Variants in TMED8 observed in about 807,000 individuals in gnomAD.
TMED8 encodes the protein protein TMED8.
In TMED8, 15 loss-of-function variants were observed where a neutral mutation model predicts 32.7. The ratio of observed to expected loss-of-function variants is 0.46; its 90% CI spans 0.31 to 0.71. TMED8 has a LOEUF of 0.71. Ranked by LOEUF, TMED8 falls within the 30% of genes least tolerant of loss-of-function variation. The pLI is 0.06. For synonymous variants in TMED8, 147 were observed against 161.4 expected (o/e 0.91, Z 0.68); for missense variants, 390 against 423.9 (o/e 0.92, Z 0.70).
At chr14:77,365,176 T>G (rs1893523909) in intron 1 of TMED8, among the ~76,000 whole-genome samples, 1 of 152,024 alleles carries the variant, frequency 6.6e-6, no homozygotes, top group Non-Finnish European at 1.5e-5. Context: ...AGCAACCACA[T>G]GAAAAAGGGA....
intron 1 of TMED8, among the ~76,000 whole-genome samples, chr14:77,370,746 T>A (rs1893658559): frequency 6.9e-6 from 1 of 145,920 alleles, no homozygotes; most frequent in South Asian, 2.1e-4. Context: ...AAAAAAAGTG[T>A]GTGTGTGTGT....
intron 4 of TMED8, 61 bp downstream of exon 4, chr14:77,343,636 C>T: frequency 9.4e-6 from 15 of 1,601,242 alleles, no homozygotes; most frequent in Non-Finnish European, 1.3e-5. Context: ...TGTCTGTCTG[C>T]CTGCCTTTCT....
chr14:77,366,407 AG>A (rs1377641143), intron 1 of TMED8, among the ~76,000 whole-genome samples: 1 of 152,244 alleles, frequency 6.6e-6, no homozygotes, highest in Non-Finnish European at 1.5e-5. Context: ...GGGACAAATG[AG>A]AGACAGAATT....
At chr14:77,356,304 C>T (rs1021439198) in intron 1 of TMED8, among the ~76,000 whole-genome samples, 2 of 152,198 alleles carry the variant, frequency 1.3e-5, no homozygotes, top group South Asian at 2.1e-4. Context: ...ATGCCCTTTC[C>T]TATCCTATAT....
In TMED8 at chr14:77,376,452, G is replaced by C. The variant is rs113218959; in HGVS notation, c.118+484C>G. 7.9e-5 allele frequency among the ~76,000 whole-genome samples: 12 copies of C among 152,250 alleles called. No homozygotes were observed. The highest frequency in any genetic ancestry group is 2.9e-4 in the African/African-American group (12 of 41,468). On this transcript the variant is annotated intron_variant, in intron 1 of 5. Transcript: ENST00000216468. The surrounding 1 kb of genome is among the most constrained non-coding windows in gnomAD (Gnocchi z 4.0). ...GCTAGGGCGCAGTGGGCTTCTGGCA[G>C]AGGAAGGCAAGGCTGCCAACCCGGG...
chr14:77,345,620 A>G (rs1893006946), intron 3 of TMED8, among the ~76,000 whole-genome samples: 1 of 147,136 alleles, frequency 6.8e-6, no homozygotes, highest in African/African-American at 2.5e-5. Context: ...TGACTGCACC[A>G]TCGCACTGAA....
At chr14:77,345,114 A>G (rs773213687) in intron 3 of TMED8, among the ~76,000 whole-genome samples, 1 of 152,118 alleles carries the variant, frequency 6.6e-6, no homozygotes, top group Non-Finnish European at 1.5e-5. Flanking sequence ...CAGCCTCCCG[A>G]GTAGCTGGGA....
chr14:77,364,849 C>A (rs1893515581), intron 1 of TMED8, among the ~76,000 whole-genome samples: 1 of 152,152 alleles, frequency 6.6e-6, no homozygotes, highest in Non-Finnish European at 1.5e-5. Flanking sequence ...CCGAGTGTAA[C>A]CATTTCCCCA....
intron 1 of TMED8, among the ~76,000 whole-genome samples, chr14:77,363,667 A>G (rs373309437): frequency 6.3e-4 from 95 of 151,838 alleles, no homozygotes; most frequent in South Asian, 1.7e-3. Flanking sequence ...AATAATAATC[A>G]TAATAATAGT....
Position 77,377,024 on chromosome 14 carries a change from C to A in TMED8, c.30G>T (p.Pro10=). ...GGCGGGCTGTGGGGCTCCAGGAGCC[C>A]GGCCCCTCAGCCGCCTGCAGGTCAG... MSDLQAAEG[P]GSWSPTARPG... The change falls in exon 1 of 6, where the codon CCG becomes CCT. Residue 10 remains proline (P), a synonymous_variant. Coordinates refer to ENST00000216468, the MANE Select transcript of TMED8 (RefSeq NM_213601.3). 1 of 1,394,290 alleles carries A rather than the reference C, an allele frequency of 7.2e-7. No homozygotes were observed. The highest frequency in any genetic ancestry group is 9.2e-7 in the Non-Finnish European group (1 of 1,084,346). The allele number at this position is 1,394,290 out of a possible 1,614,324, so 86.4% of individuals were successfully genotyped here.
At chr14:77,350,981 C>T (rs534020603) in intron 2 of TMED8, among the ~76,000 whole-genome samples, 25 of 152,190 alleles carry the variant, frequency 1.6e-4, no homozygotes, top group East Asian at 9.7e-4. Context: ...GAAAAGCCTC[C>T]GCTTTAAGCT....
At chr14:77,370,027 C>G (rs1470620743) in intron 1 of TMED8, among the ~76,000 whole-genome samples, 1 of 152,080 alleles carries the variant, frequency 6.6e-6, no homozygotes, top group Non-Finnish European at 1.5e-5. Context: ...CAAAAATTAG[C>G]CGGGCGTGGT....
In TMED8 at chr14:77,339,162, C is replaced by G. The variant is rs1365472550; in HGVS notation, c.*2609G>C. On this transcript the variant is annotated 3_prime_UTR_variant, in exon 6 of 6. Transcript: ENST00000216468. The stretch of plus-strand genomic sequence containing the variant: ...TGCTTCAGTAAGTAGTATCTTGCCC[C>G]TAAAGTTCAATTATTTCAGAAATGT... The G allele has an allele frequency of 2.6e-5, 4 of 152,134 alleles. No individual in the cohort carries two copies. Among genetic ancestry groups the G allele is most frequent in the African/African-American group, 4.8e-5 (2 of 41,422 alleles). The allele number at this position is 152,134 out of a possible 1,614,324, so 9.4% of individuals were successfully genotyped here.
At chr14:77,344,691 G>A (rs900769392) in intron 3 of TMED8, among the ~76,000 whole-genome samples, 9 of 152,212 alleles carry the variant, frequency 5.9e-5, no homozygotes, top group Admixed American at 1.3e-4. Flanking sequence ...ATTGCCCACA[G>A]GGGAGAGCAC....
chr14:77,359,757 A>G, intron 1 of TMED8: 1 of 244,756 alleles, frequency 4.1e-6, no homozygotes, highest in South Asian at 4.5e-5. Flanking sequence ...TGTTTTGATA[A>G]ATGGAGTACC....
chr14:77,354,588 G>C (rs550568468), intron 1 of TMED8, among the ~76,000 whole-genome samples: 1 of 152,188 alleles, frequency 6.6e-6, no homozygotes, highest in Non-Finnish European at 1.5e-5. Context: ...AGGAAATACA[G>C]ATAAGCAAAA....
intron 1 of TMED8, chr14:77,359,573 AC>A (rs1893380093): frequency 2.4e-6 from 1 of 416,428 alleles, no homozygotes; most frequent in Non-Finnish European, 4.8e-6. Flanking sequence ...ATCGAGTAAA[AC>A]TGAAGAGTGG....
chr14:77,346,199 A>T (rs11847248), intron 3 of TMED8, 150 bp downstream of exon 3: 479,019 of 764,962 alleles, frequency 0.63, 152,841 homozygotes, highest in African/African-American at 0.85. Context: ...ATTCTCCAAA[A>T]AATAATGAAG....
intron 1 of TMED8, among the ~76,000 whole-genome samples, chr14:77,375,696 C>G (rs987846052): frequency 3.3e-5 from 5 of 152,106 alleles, no homozygotes; most frequent in African/African-American, 1.2e-4. Context: ...AGGGAAGATA[C>G]TTGGGATCAG....
Sources: gnomAD v4.1 joint callset for allele counts (sites outside exome capture counted in the v4.1 genomes callset) on GRCh38, gnomAD v4.1.1 for gene constraint, Gnocchi (gnomAD v3.1) non-coding constraint, MANE v1.5 for transcripts, NCBI Gene and HGNC (gene_info 2026-07-23, HGNC 2026-07-21) for gene names.